Variants in CDH12 observed in about 807,000 individuals in gnomAD.
CDH12 encodes the protein cadherin-12.
CDH12 carries 41 observed loss-of-function variants against 74.1 expected under a neutral mutation model. The ratio of observed to expected loss-of-function variants is 0.55; its 90% CI spans 0.43 to 0.72. The LOEUF (loss-of-function observed/expected upper bound fraction) is 0.72, where lower values mean the gene tolerates loss of function less well. Among genes scored for constraint, CDH12 ranks in the 30% least tolerant of loss-of-function variants. The pLI is 0.00. For missense variants in CDH12, 945 were observed against 977.2 expected (o/e 0.97, Z 0.44); for synonymous variants, 399 against 355.0 (o/e 1.12, Z -1.39).
rs539042342 is a variant in CDH12, at chr5:21,874,118, C to G, written c.527-19328G>C. Among the ~76,000 whole-genome samples, 50 of 152,200 alleles carry G rather than the reference C, an allele frequency of 3.3e-4. 1 individual carries two copies. The East Asian group carries it at 8.9e-3, about 27-fold the overall frequency. On this transcript the variant is annotated intron_variant, in intron 6 of 14. Transcript: ENST00000382254. The stretch of plus-strand genomic sequence containing the variant: ...TGATTTATATTCCTTTGGGTATATA[C>G]CCAGTAATGGGATTGCTGGGTCAGA...
At chr5:21,784,041 A>G (rs1746066401) in intron 10 of CDH12, among the ~76,000 whole-genome samples, 2 of 152,114 alleles carry the variant, frequency 1.3e-5, no homozygotes, top group South Asian at 4.1e-4. Context: ...TTATTTTGTT[A>G]TGTATTTTGT....
At chr5:21,834,263 A>T (rs1749406839) in intron 8 of CDH12, among the ~76,000 whole-genome samples, 2 of 151,892 alleles carry the variant, frequency 1.3e-5, no homozygotes, top group African/African-American at 2.4e-5. Context: ...TATATATCTC[A>T]TATATATGAA....
chr5:21,891,572 T>TACACACACACAC (rs66657734), intron 6 of CDH12, among the ~76,000 whole-genome samples: 42,990 of 144,898 alleles, frequency 0.3, 7,275 homozygotes, highest in East Asian at 0.54. Flanking sequence ...CACACACACA[T>TACACACACACAC]ACACACACAC....
chr5:22,443,433 G>A lies in CDH12; in HGVS notation c.-427-38082C>T, dbSNP rs576181112. On this transcript the variant is annotated intron_variant, in intron 2 of 14. Transcript: ENST00000382254. The stretch of plus-strand genomic sequence containing the variant: ...AATTTAAAAGTAGTATATCAATTAC[G>A]TAAGTGTTGATACTTAGGTAGGTCT... Among the ~76,000 whole-genome samples, 26 of 152,194 alleles carry A rather than the reference G, an allele frequency of 1.7e-4. No individual in the cohort carries two copies. In the East Asian group the frequency reaches 4.4e-3, roughly 26 times the overall value.
At chr5:22,708,174 AT>A (rs1463513881) in intron 1 of CDH12, among the ~76,000 whole-genome samples, 1 of 152,166 alleles carries the variant, frequency 6.6e-6, no homozygotes, top group Non-Finnish European at 1.5e-5. Flanking sequence ...TAAGTAGATT[AT>A]TCTCTCATTA....
chr5:22,564,565 C>G (rs559744639), intron 1 of CDH12, among the ~76,000 whole-genome samples: 3 of 151,962 alleles, frequency 2.0e-5, no homozygotes, highest in African/African-American at 7.2e-5. Context: ...TATTTTCTTT[C>G]TTTTAAATTT....
At chr5:22,623,498 C>T (rs186676225) in intron 1 of CDH12, among the ~76,000 whole-genome samples, 2 of 152,154 alleles carry the variant, frequency 1.3e-5, no homozygotes, top group Non-Finnish European at 2.9e-5. Flanking sequence ...GCAAAAATCA[C>T]AAGCATTCCT....
At chr5:21,785,251 G>T (rs1279561851) in intron 10 of CDH12, among the ~76,000 whole-genome samples, 1 of 152,102 alleles carries the variant, frequency 6.6e-6, no homozygotes, top group African/African-American at 2.4e-5. Context: ...TCACTAACCA[G>T]CTATTCCCCC....
intron 3 of CDH12, among the ~76,000 whole-genome samples, chr5:22,352,097 TA>T (rs1262275948): frequency 1.3e-5 from 2 of 151,968 alleles, no homozygotes; most frequent in African/African-American, 4.8e-5. Context: ...AAAGCTCTAT[TA>T]AGTGTTTGGA....
intron 3 of CDH12, among the ~76,000 whole-genome samples, chr5:22,315,790 A>G (rs1013713842): frequency 1.3e-5 from 2 of 152,226 alleles, no homozygotes; most frequent in African/African-American, 2.4e-5. Context: ...ACAGGAGAGT[A>G]ATAAAAGATG....
At chr5:21,989,965 T>C (rs1340795199) in intron 5 of CDH12, among the ~76,000 whole-genome samples, 1 of 152,236 alleles carries the variant, frequency 6.6e-6, no homozygotes, top group African/African-American at 2.4e-5. Flanking sequence ...GATACATTTA[T>C]ATCAAATCCC....
intron 6 of CDH12, among the ~76,000 whole-genome samples, chr5:21,949,864 A>G (rs1416350968): frequency 6.6e-6 from 1 of 152,224 alleles, no homozygotes; most frequent in Non-Finnish European, 1.5e-5. Flanking sequence ...TTACTGTAGG[A>G]TAAGTTTAAT....
At chr5:21,901,849 T>C (rs1364536282) in intron 6 of CDH12, among the ~76,000 whole-genome samples, 1 of 152,156 alleles carries the variant, frequency 6.6e-6, no homozygotes, top group Non-Finnish European at 1.5e-5. Context: ...AGTCATTCAA[T>C]TATTTCCTTC....
chr5:22,826,270 C>G (rs1736318043), intron 1 of CDH12, among the ~76,000 whole-genome samples: 1 of 152,124 alleles, frequency 6.6e-6, no homozygotes, highest in Non-Finnish European at 1.5e-5. Flanking sequence ...TGCCTGCTGC[C>G]ATTCATGTAA....
intron 1 of CDH12, among the ~76,000 whole-genome samples, chr5:22,511,003 T>G (rs1008749998): frequency 2.6e-5 from 4 of 151,930 alleles, no homozygotes; most frequent in African/African-American, 9.7e-5. Flanking sequence ...CAAGCAATTC[T>G]CCTGCCTCAG....
At chr5:22,723,771 T>C (rs1744018558) in intron 1 of CDH12, among the ~76,000 whole-genome samples, 1 of 152,080 alleles carries the variant, frequency 6.6e-6, no homozygotes. Context: ...ACTTAATATT[T>C]AACTATGTAT....
At chr5:22,655,520 A>G (rs2126889716) in intron 1 of CDH12, among the ~76,000 whole-genome samples, 1 of 152,342 alleles carries the variant, frequency 6.6e-6, no homozygotes, top group South Asian at 2.1e-4. Flanking sequence ...TCTACAAGCA[A>G]GCAAGATCCA....
At chr5:22,804,834 A>T (rs558597777) in intron 1 of CDH12, among the ~76,000 whole-genome samples, 1 of 152,370 alleles carries the variant, frequency 6.6e-6, no homozygotes, top group South Asian at 2.1e-4. Flanking sequence ...TAGGTACTAC[A>T]TAATTATGAA....
At chr5:22,507,462 G>A (rs1736435585) in intron 1 of CDH12, among the ~76,000 whole-genome samples, 1 of 151,984 alleles carries the variant, frequency 6.6e-6, no homozygotes, top group Non-Finnish European at 1.5e-5. Context: ...AAGTTTAGTA[G>A]AAAATACAGA....
Sources: allele counts gnomAD v4.1 joint callset (sites outside exome capture counted in the v4.1 genomes callset), GRCh38; gene constraint gnomAD v4.1.1; transcripts MANE v1.5; gene names NCBI Gene and HGNC (gene_info 2026-07-23, HGNC 2026-07-21).